MGST1: variants seen among roughly 807,000 people sequenced by gnomAD.
The protein encoded by MGST1 is glutathione S-transferase 12.
Under a neutral mutation model 8.9 loss-of-function variants are expected in MGST1, and 5 were observed. The observed-to-expected ratio is 0.56, with a 90% CI of 0.29 to 1.19. MGST1 has a LOEUF of 1.19. Among genes scored for constraint, MGST1 ranks in the 50% most tolerant of loss-of-function variants. The pLI is 0.08. For synonymous variants in MGST1, 54 were observed against 67.8 expected (o/e 0.80, Z 1.00); for missense variants, 182 against 187.4 (o/e 0.97, Z 0.17).
At chr12:16,352,506 G>C (rs1415837726) in intron 1 of MGST1, among the ~76,000 whole-genome samples, 1 of 152,212 alleles carries the variant, frequency 6.6e-6, no homozygotes, top group East Asian at 1.9e-4. Context: ...TTCTGTGGAA[G>C]AGAGAGAAGT....
At chr12:16,471,761 C>T (rs1209279580) in intron 4 of MGST1, among the ~76,000 whole-genome samples, 3 of 152,128 alleles carry the variant, frequency 2.0e-5, no homozygotes, top group Non-Finnish European at 4.4e-5. Context: ...ATAGGTTGGC[C>T]AGAATGTAGG....
In MGST1 at chr12:16,363,943, C is replaced by T. The variant is rs375553015; in HGVS notation, c.370C>T (p.Pro124Ser). 1.9e-5 allele frequency: 31 copies of T among 1,613,806 alleles called. No individual in the cohort carries two copies. The African/African-American group carries it at 3.5e-4, about 18-fold the overall frequency. ...CTACCACACCATTGCATATTTGACA[C>T]CCCTTCCCCAGCCAAATAGAGCTTT... Reference protein sequence around the residue: ...RIYHTIAYLTPLPQPNRALSF... With the variant: ...RIYHTIAYLTSLPQPNRALSF... Residue 124 changes from proline (P) to serine (S), a missense_variant, in exon 4 of 4, where the codon CCC becomes TCC. Pro to Ser is a moderately conservative substitution (Grantham distance 74). Coordinates refer to ENST00000396210, the MANE Select transcript of MGST1 (RefSeq NM_020300.5). The surrounding 1 kb of genome is among the most constrained non-coding windows in gnomAD (Gnocchi z 4.6).
chr12:16,452,948 A>AGGTTGTTTT (rs1226015276), intron 4 of MGST1, among the ~76,000 whole-genome samples: 1 of 151,924 alleles, frequency 6.6e-6, no homozygotes, highest in Non-Finnish European at 1.5e-5. Context: ...GATACATGCC[A>AGGTTGTTTT]GGTTGTTTTT....
chr12:16,453,124 G>A (rs896721937), intron 4 of MGST1, among the ~76,000 whole-genome samples: 2 of 151,938 alleles, frequency 1.3e-5, no homozygotes, highest in African/African-American at 2.4e-5. Flanking sequence ...ACAAGCCAGT[G>A]TGACATGAAC....
chr12:16,455,174 T>TA (rs1223080868), intron 4 of MGST1, among the ~76,000 whole-genome samples: 1 of 151,944 alleles, frequency 6.6e-6, no homozygotes. Context: ...AGTTTCATAA[T>TA]AGTCTACCTA....
chr12:16,366,093 T>C (rs1940183072), downstream of MGST1, among the ~76,000 whole-genome samples: 1 of 152,134 alleles, frequency 6.6e-6, no homozygotes, highest in Admixed American at 6.6e-5. The surrounding 1 kb of genome is among the most constrained non-coding windows in gnomAD (Gnocchi z 4.0). Flanking sequence ...GTAACAGTTA[T>C]CCATTTAGCT....
In MGST1 at chr12:16,576,949, T is replaced by C. The variant is rs557811498; in HGVS notation, n.483-12579T>C. 6.6e-6 allele frequency among the ~76,000 whole-genome samples: 1 copy of C among 152,154 alleles called. No individual in the cohort carries two copies. Among genetic ancestry groups the C allele is most frequent in the Non-Finnish European group, 1.5e-5 (1 of 68,016 alleles). On this transcript the variant is annotated intron_variant and non_coding_transcript_variant, in intron 4 of 4. Coordinates refer to the MGST1 transcript ENST00000538857. This position sits in a 1 kb window ranked among gnomAD's most constrained non-coding sequence, Gnocchi z 4.1. ...ACTATCTATTTTAGAAATAACCCAATAAGGGCAAAGCTATATGAGTAAAAC... is the reference window on the plus strand; with the variant it reads ...ACTATCTATTTTAGAAATAACCCAACAAGGGCAAAGCTATATGAGTAAAAC...
rs115631444 is a variant in MGST1 at position 16,576,328 on chromosome 12, C to T, written n.483-13200C>T. 2.1e-3 allele frequency among the ~76,000 whole-genome samples: 322 copies of T among 152,244 alleles called. 2 individuals carry two copies. Among genetic ancestry groups the T allele is most frequent in the African/African-American group, 7.5e-3 (312 of 41,552 alleles). ...TTCTATCCCATCACTGAGCCTCAGC[C>T]CCAATGTGCTGTCTACTCCCTGGAC... is the stretch of plus-strand genomic sequence containing the variant. On this transcript the variant is annotated intron_variant and non_coding_transcript_variant, in intron 4 of 4. Coordinates refer to the MGST1 transcript ENST00000538857. The surrounding 1 kb of genome is among the most constrained non-coding windows in gnomAD (Gnocchi z 4.1).
chr12:16,372,054 A>T (rs865857888), intron 3 of MGST1, among the ~76,000 whole-genome samples: 3 of 152,176 alleles, frequency 2.0e-5, no homozygotes, highest in Middle Eastern at 3.4e-3. Flanking sequence ...TAAAAGCTTA[A>T]ATCTAAGACC....
chr12:16,580,125 C>T (rs566860029), intron 4 of MGST1, among the ~76,000 whole-genome samples: 2 of 152,184 alleles, frequency 1.3e-5, no homozygotes, highest in Non-Finnish European at 2.9e-5. Flanking sequence ...AAAATATACA[C>T]CTACGTTATT....
intron 4 of MGST1, among the ~76,000 whole-genome samples, chr12:16,463,843 C>T (rs1037969321): frequency 6.6e-6 from 1 of 152,132 alleles, no homozygotes; most frequent in Non-Finnish European, 1.5e-5. Flanking sequence ...TGGTCAATAA[C>T]TACCACAACA....
intron 1 of MGST1, among the ~76,000 whole-genome samples, chr12:16,404,536 CTG>C (rs1940684069): frequency 6.6e-6 from 1 of 151,808 alleles, no homozygotes; most frequent in South Asian, 2.1e-4. Flanking sequence ...ACTATATACT[CTG>C]TTTATATAAT....
chr12:16,586,962 A>G lies in MGST1; in HGVS notation n.483-2566A>G, dbSNP rs190428608. Among the ~76,000 whole-genome samples the G allele has an allele frequency of 6.6e-6, 1 of 152,328 alleles. No homozygotes were observed. Among genetic ancestry groups the G allele is most frequent in the Admixed American group, 6.5e-5 (1 of 15,294 alleles). On this transcript the variant is annotated intron_variant and non_coding_transcript_variant, in intron 4 of 4. Coordinates refer to the MGST1 transcript ENST00000538857. The surrounding 1 kb of genome is among the most constrained non-coding windows in gnomAD (Gnocchi z 4.3). ...ATAGCTTAAAAACACATGCTTTATC[A>G]TCATTCAGTAGCAGTTTATTCATTA...
chr12:16,490,558 G>A (rs902141970), intron 4 of MGST1, among the ~76,000 whole-genome samples: 1 of 152,092 alleles, frequency 6.6e-6, no homozygotes, highest in Non-Finnish European at 1.5e-5. Flanking sequence ...TATATACTTG[G>A]CAGAATACAA....
At chr12:16,565,837 T>C (rs1456942935) in intron 4 of MGST1, among the ~76,000 whole-genome samples, 1 of 151,064 alleles carries the variant, frequency 6.6e-6, no homozygotes, top group African/African-American at 2.4e-5. Flanking sequence ...GCAATCCCAC[T>C]ACTGGATTAA....
chr12:16,369,296 A>G (rs1940250920), downstream of MGST1, among the ~76,000 whole-genome samples: 1 of 152,184 alleles, frequency 6.6e-6, no homozygotes, highest in Non-Finnish European at 1.5e-5. This position sits in a 1 kb window ranked among gnomAD's most constrained non-coding sequence, Gnocchi z 4.8. Context: ...ATTCTGCATG[A>G]TAAGTCATCC....
rs572850279 is a variant in MGST1 at position 16,507,859 on chromosome 12, C to T, written n.483-81669C>T. ...CAACATTAGGGATTCCAATTCAACA[C>T]GAGATTTGGGTGGGGACACAGAGCC... On this transcript the variant is annotated intron_variant and non_coding_transcript_variant, in intron 4 of 4. Coordinates refer to the MGST1 transcript ENST00000538857. 7.3e-4 allele frequency among the ~76,000 whole-genome samples: 111 copies of T among 152,136 alleles called. 1 individual carries two copies. The highest frequency in any genetic ancestry group is 2.5e-3 in the African/African-American group (105 of 41,518).
At chr12:16,534,268 A>G (rs895899907) in intron 4 of MGST1, among the ~76,000 whole-genome samples, 1 of 152,220 alleles carries the variant, frequency 6.6e-6, no homozygotes, top group African/African-American at 2.4e-5. Flanking sequence ...TATGAAACAC[A>G]TATATTCGAT....
intron 4 of MGST1, among the ~76,000 whole-genome samples, chr12:16,552,206 A>G (rs1942013442): frequency 6.6e-6 from 1 of 152,072 alleles, no homozygotes; most frequent in Non-Finnish European, 1.5e-5. Flanking sequence ...TACATTTAAC[A>G]ATAAAGTAAC....
Sources: allele counts gnomAD v4.1 joint callset (sites outside exome capture counted in the v4.1 genomes callset), GRCh38; gene constraint gnomAD v4.1.1; non-coding constraint Gnocchi (gnomAD v3.1); transcripts MANE v1.5; gene names NCBI Gene and HGNC (gene_info 2026-07-23, HGNC 2026-07-21).